Variants in TAF2 observed in about 807,000 individuals in gnomAD.
TAF2 encodes the protein transcription initiation factor TFIID subunit 2.
TAF2 carries 61 observed loss-of-function variants against 138.5 expected under a neutral mutation model. The observed-to-expected ratio is 0.44, with a 90% CI of 0.36 to 0.54. TAF2 has a LOEUF of 0.54. TAF2 is among the 20% of genes least tolerant of loss of function. The pLI is 0.00. For synonymous variants in TAF2, 475 were observed against 469.9 expected, an observed-to-expected ratio of 1.01 and a Z score of -0.14; for missense variants, 1,090 against 1,427.9, an observed-to-expected ratio of 0.76 and a Z score of 3.81.
chr8:119,832,485 T>G lies in TAF2; in HGVS notation c.80A>C (p.Lys27Thr), dbSNP rs1041330286. The stretch of plus-strand genomic sequence containing the variant: ...AGGGAAATGAAAAAATACTTATAAT[T>G]TATATGGCCTTGGGCTTTCAAAGCC... ...DKGFESPRPYKLTHQVVCINN... is the reference protein window; with the variant it reads ...DKGFESPRPYTLTHQVVCINN... The change falls in exon 1 of 26, where the codon AAA (lysine) becomes ACA (threonine). Residue 27 changes from lysine to threonine, a missense_variant. This residue lies in a region of TAF2 where 504 missense variants were observed against 680.9 expected (regional missense o/e 0.74). Coordinates refer to ENST00000378164, the MANE Select transcript of TAF2 (RefSeq NM_003184.4). 1.3e-5 allele frequency: 21 copies of G among 1,613,564 alleles called. No individual in the cohort carries two copies. The highest frequency in any genetic ancestry group is 1.7e-5 in the Non-Finnish European group (20 of 1,179,774).
chr8:119,746,995 T>C, intron 22 of TAF2, 61 bp from the exon 23 acceptor site: 1 of 1,536,014 alleles, frequency 6.5e-7, no homozygotes, highest in Non-Finnish European at 8.9e-7. Flanking sequence ...ATTTTAACTG[T>C]CCCAGAACCT....
Position 119,758,044 on chromosome 8 carries a change from T to C in TAF2, c.2768+29A>G, listed in dbSNP as rs759978698. The C allele has an allele frequency of 1.9e-6, 3 of 1,588,120 alleles. No homozygotes were observed. In the East Asian group the frequency reaches 6.7e-5, roughly 36 times the overall value. On this transcript the variant is annotated intron_variant, in intron 21 of 25. Transcript: ENST00000378164. ...TCAGTTCACTATAGGACTTACAAAATATCATAGCATCATAGCACATAAACT... is the reference window on the plus strand; with the variant it reads ...TCAGTTCACTATAGGACTTACAAAACATCATAGCATCATAGCACATAAACT...
chr8:119,759,425 C>A (rs191891363), intron 20 of TAF2, among the ~76,000 whole-genome samples: 1 of 152,216 alleles, frequency 6.6e-6, no homozygotes, highest in African/African-American at 2.4e-5. Context: ...TGAAGAACTT[C>A]TCTCAGCCCT....
At chr8:119,812,124 CAA>C (rs1825112682) in intron 3 of TAF2, among the ~76,000 whole-genome samples, 1 of 152,062 alleles carries the variant, frequency 6.6e-6, no homozygotes, top group Non-Finnish European at 1.5e-5. Context: ...TGGTTTGACA[CAA>C]AACTGTCTGT....
At chr8:119,786,463 C>T (rs557287092) in intron 14 of TAF2, among the ~76,000 whole-genome samples, 1 of 152,202 alleles carries the variant, frequency 6.6e-6, no homozygotes, top group East Asian at 1.9e-4. Context: ...TCTAGCTCCT[C>T]GGCCTCTACC....
intron 5 of TAF2, 83 bp downstream of exon 5, chr8:119,803,795 T>C: frequency 7.5e-7 from 1 of 1,328,732 alleles, no homozygotes; most frequent in South Asian, 1.3e-5. Flanking sequence ...GTATTTCTTG[T>C]TTTACACCAA....
chr8:119,743,220 C>T (rs1231064233), intron 24 of TAF2, among the ~76,000 whole-genome samples: 1 of 151,614 alleles, frequency 6.6e-6, no homozygotes, highest in East Asian at 1.9e-4. Context: ...AACTTATATA[C>T]CAATAAGAAT....
chr8:119,767,927 G>C (rs1366323108), intron 18 of TAF2, among the ~76,000 whole-genome samples: 1 of 152,142 alleles, frequency 6.6e-6, no homozygotes, highest in Non-Finnish European at 1.5e-5. Flanking sequence ...CACCACAGAT[G>C]CCACACTGCC....
At chr8:119,760,519 C>A in intron 20 of TAF2, 80 bp downstream of exon 20, 1 of 1,526,316 alleles carries the variant, frequency 6.6e-7, no homozygotes, top group Admixed American at 1.8e-5. Flanking sequence ...ATACATATTA[C>A]GAAAACCCCA....
chr8:119,769,689 A>G (rs1821687906), intron 18 of TAF2, among the ~76,000 whole-genome samples: 1 of 151,848 alleles, frequency 6.6e-6, no homozygotes, highest in Admixed American at 6.6e-5. Flanking sequence ...AGCTTTAACA[A>G]CACACTAGAC....
chr8:119,789,791 T>C (rs754800157), intron 11 of TAF2, 45 bp from the exon 12 acceptor site: 2 of 1,558,214 alleles, frequency 1.3e-6, no homozygotes, highest in Non-Finnish European at 8.8e-7. Flanking sequence ...ACAGATTCTT[T>C]TCAATTATAT....
chr8:119,821,413 C>G (rs1825801306), intron 2 of TAF2, among the ~76,000 whole-genome samples: 1 of 152,158 alleles, frequency 6.6e-6, no homozygotes, highest in African/African-American at 2.4e-5. Context: ...CCCTCTCTAC[C>G]CTCTTGCCTT....
chr8:119,740,151 G>C (rs1819497305), intron 25 of TAF2, among the ~76,000 whole-genome samples: 1 of 152,046 alleles, frequency 6.6e-6, no homozygotes, highest in Admixed American at 6.6e-5. Context: ...TGGGAGGCAG[G>C]AAGACAAGAA....
At chr8:119,763,129 G>A (rs1050425960) in intron 18 of TAF2, among the ~76,000 whole-genome samples, 3 of 152,158 alleles carry the variant, frequency 2.0e-5, no homozygotes, top group African/African-American at 7.2e-5. Flanking sequence ...AAGACTATCT[G>A]CCCGCTATTG....
At chr8:119,736,110 C>T (rs1322730133) in intron 25 of TAF2, among the ~76,000 whole-genome samples, 1 of 152,210 alleles carries the variant, frequency 6.6e-6, no homozygotes, top group Non-Finnish European at 1.5e-5. Context: ...TACTTCTCAG[C>T]ACAGGCAACT....
intron 21 of TAF2, among the ~76,000 whole-genome samples, chr8:119,757,840 G>C (rs1820801482): frequency 1.3e-5 from 2 of 151,984 alleles, no homozygotes; most frequent in African/African-American, 4.8e-5. Flanking sequence ...AGGTTGCAGT[G>C]AGCCGAGATC....
At chr8:119,798,584 G>A (rs187133231) in intron 6 of TAF2, among the ~76,000 whole-genome samples, 4 of 152,210 alleles carry the variant, frequency 2.6e-5, no homozygotes, top group Admixed American at 1.3e-4. Flanking sequence ...TTTTGGTACA[G>A]GAAAAGAGAA....
In TAF2 at chr8:119,791,329, G is replaced by C. The variant is rs1823412956; in HGVS notation, c.1408C>G (p.Leu470Val). The change falls in exon 11 of 26, where the codon CTA becomes GTA. Residue 470 changes from leucine (L) to valine (V), a missense_variant. Around this residue, in one of 3 missense-constraint regions of TAF2, gnomAD observed 504 missense variants for 680.9 expected, o/e 0.74. Coordinates refer to ENST00000378164, the MANE Select transcript of TAF2 (RefSeq NM_003184.4). ...TTCTTAACTTTAATACTTACTTGTA[G>C]CATAAATTCCATACTGATCCTATTT... is the stretch of plus-strand genomic sequence containing the variant. ...IENRISMEFM[L>V]QVFNKLLSLA... 1.9e-6 allele frequency: 3 copies of C among 1,613,288 alleles called. No homozygotes were observed. Among genetic ancestry groups the C allele is most frequent in the Non-Finnish European group, 2.5e-6 (3 of 1,179,630 alleles).
rs753426895 is a variant in TAF2 at position 119,802,001 on chromosome 8, T to C, written c.585A>G (p.Ser195=). Residue 195 remains serine, a synonymous_variant, in exon 6 of 26, where the codon TCA becomes TCG. Coordinates refer to ENST00000378164, the MANE Select transcript of TAF2 (RefSeq NM_003184.4). ...ATTTCCATGTACACAATTCAGAGTA[T>C]GAATCAACACAAGGGAACCAAAATC... ...STRFWFPCVD[S]YSELCTWKLE... is the part of the protein sequence containing the mutation. 5 of 1,613,972 alleles carry C rather than the reference T, an allele frequency of 3.1e-6. No homozygotes were observed. Among genetic ancestry groups the C allele is most frequent in the Non-Finnish European group, 4.2e-6 (5 of 1,179,946 alleles).
Sources: allele counts gnomAD v4.1 joint callset (sites outside exome capture counted in the v4.1 genomes callset), GRCh38; gene constraint gnomAD v4.1.1; regional missense constraint gnomAD v4.1.1; transcripts MANE v1.5; gene names NCBI Gene and HGNC (gene_info 2026-07-23, HGNC 2026-07-21).